Variants in TNFRSF11A observed in about 807,000 individuals in gnomAD.
TNFRSF11A encodes the protein tumor necrosis factor receptor superfamily member 11A.
In TNFRSF11A, 32 loss-of-function variants were observed where a neutral mutation model predicts 55.7. The observed-to-expected ratio is 0.57, with a 90% confidence interval of 0.43 to 0.77. TNFRSF11A has a LOEUF of 0.77. Ranked by LOEUF, TNFRSF11A falls within the 30% of genes least tolerant of loss-of-function variation. The probability of loss-of-function intolerance (pLI) is 0.00; values close to 1 mark genes in which losing one functional copy is unlikely to be tolerated. For synonymous variants in TNFRSF11A, 311 were observed against 331.0 expected (o/e 0.94, Z 0.65); for missense variants, 753 against 809.8 (o/e 0.93, Z 0.85).
intron 8 of TNFRSF11A, 133 bp downstream of exon 8, chr18:62,366,893 G>A (rs1721569259): frequency 2.1e-6 from 2 of 936,952 alleles, no homozygotes; most frequent in African/African-American, 1.6e-5. Context: ...CTGTGCCTCA[G>A]GCTGGAGTGC....
chr18:62,380,469 C>T (rs1289895265), intron 9 of TNFRSF11A, among the ~76,000 whole-genome samples: 2 of 145,318 alleles, frequency 1.4e-5, no homozygotes, highest in Admixed American at 6.8e-5. Flanking sequence ...GAGAGTCTCA[C>T]TCTGTCGCCC....
In TNFRSF11A at chr18:62,325,480, C is replaced by G; in HGVS notation, c.75+53C>G. 8.5e-7 allele frequency: 1 copy of G among 1,172,000 alleles called. No homozygotes were observed. 72.6% of individuals were successfully genotyped at this position (1,172,000 alleles called of 1,614,324 possible). ...GCGCGGCCCGACGCCTCCTCGGGAGCCCCGGGAAGGGCCGGGGCCGGCGGC... is the reference window on the plus strand; with the variant it reads ...GCGCGGCCCGACGCCTCCTCGGGAGGCCCGGGAAGGGCCGGGGCCGGCGGC... On this transcript the variant is annotated intron_variant, in intron 1 of 9. Transcript: ENST00000586569. This position sits in a 1 kb window ranked among gnomAD's most constrained non-coding sequence, Gnocchi z 4.7.
Position 62,325,440 on chromosome 18 carries a change from CG to C in TNFRSF11A, c.75+14del. 1 of 1,254,684 alleles carries C rather than the reference CG, an allele frequency of 8.0e-7. No individual in the cohort carries two copies. Among genetic ancestry groups the C allele is most frequent in the African/African-American group, 1.6e-5 (1 of 62,382 alleles). The allele number at this position is 1,254,684 out of a possible 1,614,324, so 77.7% of individuals were successfully genotyped here. A position where few individuals can be genotyped will look rare whatever the true frequency, so the allele number is the denominator to read the frequency against. On this transcript the variant is annotated intron_variant, in intron 1 of 9. Coordinates refer to ENST00000586569, the MANE Select transcript of TNFRSF11A (RefSeq NM_003839.4). The surrounding 1 kb of genome is among the most constrained non-coding windows in gnomAD (Gnocchi z 4.7). ...CGCCCGGCTGCAGGTAAGGAGCGCC[CG>C]CGCCTGCCGGGCCGCGCGGCCCGAC... is the stretch of plus-strand genomic sequence containing the variant.
At chr18:62,362,490 C>CAAAAAAAAAAAAAAAAAAAAAA in intron 7 of TNFRSF11A, among the ~76,000 whole-genome samples, 1 of 75,872 alleles carries the variant, frequency 1.3e-5, no homozygotes, top group Non-Finnish European at 2.4e-5. Flanking sequence ...AACTTCATCT[C>CAAAAAAAAAAAAAAAAAAAAAA]AAAAAAAAAA....
chr18:62,348,034 G>A, intron 1 of TNFRSF11A, 134 bp from the exon 2 acceptor site: 1 of 732,348 alleles, frequency 1.4e-6, no homozygotes. Context: ...ACTCCAGCCT[G>A]GGCAACAAGA....
At chr18:62,350,480 G>A (rs922265330) in intron 3 of TNFRSF11A, among the ~76,000 whole-genome samples, 4 of 152,052 alleles carry the variant, frequency 2.6e-5, no homozygotes, top group Admixed American at 2.6e-4. Context: ...TTTTAGTAGA[G>A]ACGGGGTTTC....
chr18:62,368,688 T>G lies in TNFRSF11A; in HGVS notation c.784-13T>G, dbSNP rs1910276721. On this transcript the variant is annotated splice_polypyrimidine_tract_variant and intron_variant, in intron 8 of 9. Coordinates refer to ENST00000586569, the MANE Select transcript of TNFRSF11A (RefSeq NM_003839.4). Reference sequence around the variant, plus strand: ...GGTATTAATGCCTCTGCCTTCTGAATGTAAATCGGCAGGAGTCCTCAGGTG... The same window carrying G: ...GGTATTAATGCCTCTGCCTTCTGAAGGTAAATCGGCAGGAGTCCTCAGGTG... The G allele has an allele frequency of 6.2e-7, 1 of 1,614,204 alleles. No individual in the cohort carries two copies. Among genetic ancestry groups the G allele is most frequent in the Non-Finnish European group, 8.5e-7 (1 of 1,180,020 alleles).
chr18:62,329,099 A>C (rs898181974), intron 1 of TNFRSF11A, among the ~76,000 whole-genome samples: 64 of 151,442 alleles, frequency 4.2e-4, no homozygotes, highest in African/African-American at 1.5e-3. Flanking sequence ...CCCCCATTGT[A>C]TTTTCCTATT....
At chr18:62,327,743 G>A (rs996778156) in intron 1 of TNFRSF11A, among the ~76,000 whole-genome samples, 11 of 152,186 alleles carry the variant, frequency 7.2e-5, no homozygotes, top group Admixed American at 3.3e-4. Flanking sequence ...TATCTGTAGG[G>A]ATCGTATTTA....
Position 62,390,620 on chromosome 18 carries a change from T to C in TNFRSF11A, c.*5586T>C, listed in dbSNP as rs1911958829. ...CCCAGGAAACAAAGGCTGTATAGAC[T>C]TTAAGTCGTGAGAAAAACGACATTC... is the stretch of plus-strand genomic sequence containing the variant. On this transcript the variant is annotated 3_prime_UTR_variant, in exon 10 of 10. Transcript: ENST00000586569. 6.6e-6 allele frequency: 1 copy of C among 152,210 alleles called. No individual in the cohort carries two copies. Among genetic ancestry groups the C allele is most frequent in the Non-Finnish European group, 1.5e-5 (1 of 68,036 alleles). 9.4% of individuals were successfully genotyped at this position (152,210 alleles called of 1,614,324 possible). A position where few individuals can be genotyped will look rare whatever the true frequency, so the allele number is the denominator to read the frequency against.
chr18:62,359,970 A>T lies in TNFRSF11A; in HGVS notation c.537A>T (p.Gly179=), dbSNP rs775899525. 6.2e-7 allele frequency: 1 copy of T among 1,613,970 alleles called. No homozygotes were observed. Among genetic ancestry groups the T allele is most frequent in the East Asian group, 2.2e-5 (1 of 44,876 alleles). ...CRPWTNCTFL[G]KRVEHHGTEK... is the part of the protein sequence containing the mutation. ...TCCCCCACAGCTGTACCTTCCTTGG[A>T]AAGAGAGTAGAACATCATGGGACAG... The change falls in exon 6 of 10, where the codon GGA becomes GGT. Residue 179 remains glycine, a synonymous_variant. Coordinates refer to ENST00000586569, the MANE Select transcript of TNFRSF11A (RefSeq NM_003839.4).
intron 1 of TNFRSF11A, among the ~76,000 whole-genome samples, chr18:62,326,336 AAG>A (rs2046075560): frequency 6.6e-6 from 1 of 152,154 alleles, no homozygotes; most frequent in African/African-American, 2.4e-5. Context: ...TTTGGGTGAG[AAG>A]AGAGGGGAAA....
At chr18:62,358,397 C>T (rs527420709) in intron 5 of TNFRSF11A, 56 bp downstream of exon 5, 3 of 1,504,858 alleles carry the variant, frequency 2.0e-6, no homozygotes, top group Non-Finnish European at 2.8e-6. Flanking sequence ...AACTCAACCT[C>T]CACTGTCTCG....
At chr18:62,371,422 C>G (rs1910544968) in intron 9 of TNFRSF11A, among the ~76,000 whole-genome samples, 1 of 152,216 alleles carries the variant, frequency 6.6e-6, no homozygotes, top group African/African-American at 2.4e-5. Flanking sequence ...GATCTTTGCT[C>G]TCCTGTAAGA....
rs74675574 is a variant in TNFRSF11A at position 62,327,747 on chromosome 18, G to A, written c.75+2320G>A. Among the ~76,000 whole-genome samples, 723 of 152,246 alleles carry A rather than the reference G, an allele frequency of 4.7e-3. 7 individuals are homozygous for A. Among genetic ancestry groups the A allele is most frequent in the African/African-American group, 0.017 (689 of 41,562 alleles). On this transcript the variant is annotated intron_variant, in intron 1 of 9. Coordinates refer to ENST00000586569, the MANE Select transcript of TNFRSF11A (RefSeq NM_003839.4). ...AGAAAGTGCCTTATCTGTAGGGATC[G>A]TATTTAGTTTCATTTTTATTATATT...
chr18:62,332,515 A>G (rs752343234), intron 1 of TNFRSF11A, among the ~76,000 whole-genome samples: 3 of 152,218 alleles, frequency 2.0e-5, no homozygotes, highest in Non-Finnish European at 2.9e-5. Flanking sequence ...CTTGTTGAAT[A>G]ATTCCTAATA....
intron 9 of TNFRSF11A, among the ~76,000 whole-genome samples, chr18:62,378,457 C>T (rs188210096): frequency 2.9e-4 from 44 of 152,268 alleles, no homozygotes; most frequent in African/African-American, 8.4e-4. Flanking sequence ...GTCTTTAAGA[C>T]GCATTGAGAT....
chr18:62,390,302 G>C lies in TNFRSF11A; in HGVS notation c.*5268G>C, dbSNP rs1195330385. The C allele has an allele frequency of 6.6e-6, 1 of 152,204 alleles. No individual in the cohort carries two copies. The highest frequency in any genetic ancestry group is 1.5e-5 in the Non-Finnish European group (1 of 68,046). The allele number at this position is 152,204 out of a possible 1,614,324, so 9.4% of individuals were successfully genotyped here. On this transcript the variant is annotated 3_prime_UTR_variant, in exon 10 of 10. Coordinates refer to ENST00000586569, the MANE Select transcript of TNFRSF11A (RefSeq NM_003839.4). ...CTGACATGACACACTGAGGGAAGTA[G>C]ACTTACCCAATATAACTTCACATTA...
intron 9 of TNFRSF11A, 95 bp downstream of exon 9, chr18:62,369,579 T>A: frequency 8.7e-6 from 13 of 1,486,896 alleles, no homozygotes; most frequent in Non-Finnish European, 1.2e-5. Context: ...AGGAGGAAGC[T>A]AATGGGAAAA....
Sources: gnomAD v4.1 joint callset for allele counts (sites outside exome capture counted in the v4.1 genomes callset) on GRCh38, gnomAD v4.1.1 for gene constraint, Gnocchi (gnomAD v3.1) non-coding constraint, MANE v1.5 for transcripts, NCBI Gene and HGNC (gene_info 2026-07-23, HGNC 2026-07-21) for gene names.